The following CRTAC1 variants were observed in gnomAD, a reference collection of about 807,000 sequenced individuals.
CRTAC1 encodes acidic secreted protein in cartilage.
In CRTAC1, 37 loss-of-function variants were observed where a neutral mutation model predicts 67.8. That is an observed-to-expected ratio of 0.55 (90% CI 0.42 to 0.72). CRTAC1 has a LOEUF of 0.72. CRTAC1 is among the 30% of genes least tolerant of loss of function. The probability of loss-of-function intolerance (pLI) is 0.00; values close to 1 mark genes in which losing one functional copy is unlikely to be tolerated. For missense variants in CRTAC1, 780 were observed against 931.6 expected, an observed-to-expected ratio of 0.84 and a Z score of 2.12; for synonymous variants, 348 against 371.0, an observed-to-expected ratio of 0.94 and a Z score of 0.71.
At chr10:97,865,869 T>G (rs946110662) in intron 14 of CRTAC1, 155 bp from the exon 15 acceptor site, 7 of 1,145,954 alleles carry the variant, frequency 6.1e-6, no homozygotes, top group African/African-American at 1.6e-5. Flanking sequence ...GCCATCAACC[T>G]ATGCCCCCTG....
intron 2 of CRTAC1, among the ~76,000 whole-genome samples, chr10:97,969,035 T>G (rs1362630719): frequency 1.3e-5 from 2 of 152,176 alleles, no homozygotes; most frequent in Admixed American, 1.3e-4. Context: ...CAGTCTCAGT[T>G]GGTTTGCTTT....
chr10:98,019,786 C>T (rs887090912), intron 1 of CRTAC1, among the ~76,000 whole-genome samples: 1 of 152,192 alleles, frequency 6.6e-6, no homozygotes, highest in East Asian at 1.9e-4. Context: ...TGTCAGCAAG[C>T]CCCACGGGAG....
intron 14 of CRTAC1, chr10:97,878,829 A>C (rs180952903): frequency 3.5e-4 from 227 of 655,598 alleles, no homozygotes; most frequent in Admixed American, 9.4e-4. Context: ...CACAGCATGG[A>C]GAAGTGACTT....
intron 2 of CRTAC1, among the ~76,000 whole-genome samples, chr10:97,963,727 T>C (rs2051564669): frequency 6.6e-6 from 1 of 152,264 alleles, no homozygotes; most frequent in Admixed American, 6.5e-5. Context: ...TTTGTAGCCA[T>C]CATTTTATTA....
chr10:98,016,470 T>G (rs886532843), intron 1 of CRTAC1, among the ~76,000 whole-genome samples: 1 of 152,182 alleles, frequency 6.6e-6, no homozygotes, highest in African/African-American at 2.4e-5. Flanking sequence ...CTGAGGGTCA[T>G]GTTGAAAATA....
At chr10:97,937,598 T>TTGAA (rs1277896502) in intron 2 of CRTAC1, among the ~76,000 whole-genome samples, 1 of 152,208 alleles carries the variant, frequency 6.6e-6, no homozygotes, top group Non-Finnish European at 1.5e-5. Context: ...TGCTAGCTGA[T>TTGAA]TGAATGAATG....
chr10:97,963,236 T>C (rs934191840), intron 2 of CRTAC1, among the ~76,000 whole-genome samples: 1 of 152,132 alleles, frequency 6.6e-6, no homozygotes, highest in African/African-American at 2.4e-5. Flanking sequence ...TGTGTCATCT[T>C]TGTTTTGATG....
chr10:98,021,037 A>G (rs1451350099), intron 1 of CRTAC1, among the ~76,000 whole-genome samples: 1 of 150,604 alleles, frequency 6.6e-6, no homozygotes, highest in Non-Finnish European at 1.5e-5. Flanking sequence ...TCATTCATTC[A>G]TTCAGTATTT....
At chr10:98,003,155 G>A (rs774936133) in intron 2 of CRTAC1, among the ~76,000 whole-genome samples, 2 of 152,050 alleles carry the variant, frequency 1.3e-5, no homozygotes, top group Admixed American at 1.3e-4. Flanking sequence ...AGCATATTTC[G>A]TTTATTGTTG....
At chr10:98,024,447 G>A (rs888388295) in intron 1 of CRTAC1, among the ~76,000 whole-genome samples, 12 of 152,286 alleles carry the variant, frequency 7.9e-5, no homozygotes, top group African/African-American at 2.6e-4. Flanking sequence ...GGGCCAGGAG[G>A]GTTGAGCAGG....
At chr10:97,935,130 T>C (rs1436520659) in intron 3 of CRTAC1, among the ~76,000 whole-genome samples, 1 of 152,160 alleles carries the variant, frequency 6.6e-6, no homozygotes, top group East Asian at 1.9e-4. Context: ...ATTAAGAGGA[T>C]GGATCTGGAG....
chr10:97,919,899 C>T (rs1212364788), intron 4 of CRTAC1, among the ~76,000 whole-genome samples: 19 of 149,472 alleles, frequency 1.3e-4, no homozygotes, highest in Admixed American at 1.2e-3. Context: ...CCCACCACAC[C>T]CAGCTAATTT....
chr10:97,981,670 G>A (rs989569720), intron 2 of CRTAC1, among the ~76,000 whole-genome samples: 3 of 152,206 alleles, frequency 2.0e-5, no homozygotes, highest in East Asian at 1.9e-4. Context: ...GAATTACAGA[G>A]TCAAAAGGGC....
In CRTAC1 at chr10:97,865,488, C is replaced by T. The variant is rs111467483; in HGVS notation, c.*60G>A. On this transcript the variant is annotated 3_prime_UTR_variant, in exon 15 of 15. Transcript: ENST00000370597. ...CATCCCTACTGTCTAGGCAGCAGCA[C>T]AAGCCCACTTTCCCACTCCCCTGCT... 1.1e-4 allele frequency: 164 copies of T among 1,553,960 alleles called. 1 individual carries two copies. The African/African-American group carries it at 1.8e-3, about 17-fold the overall frequency.
intron 8 of CRTAC1, among the ~76,000 whole-genome samples, chr10:97,900,498 TGATTGGAG>T (rs2050519182): frequency 6.9e-6 from 1 of 145,592 alleles, no homozygotes; most frequent in African/African-American, 2.6e-5. Flanking sequence ...TTCCTGGTAG[TGATTGGAG>T]CCCGTAGCCC....
chr10:97,903,044 GTATGTTAAGCT>G, intron 7 of CRTAC1, among the ~76,000 whole-genome samples: 1 of 151,942 alleles, frequency 6.6e-6, no homozygotes, highest in Middle Eastern at 3.4e-3. Flanking sequence ...CCGAGATAAT[GTATGTTAAGCT>G]TAGCACAGTT....
chr10:97,936,178 G>A lies in CRTAC1; in HGVS notation c.413C>T (p.Ala138Val). 1 of 1,607,148 alleles carries A rather than the reference G, an allele frequency of 6.2e-7. No individual in the cohort carries two copies. Among genetic ancestry groups the A allele is most frequent in the Non-Finnish European group, 8.5e-7 (1 of 1,174,970 alleles). Residue 138 changes from alanine to valine, a missense_variant, in exon 3 of 15, where the codon GCC (alanine) becomes GTC (valine). By Grantham distance (64) the Ala-to-Val change is moderately conservative. Transcript: ENST00000370597. ...TGAGCCCCAGCCCTTACCCGAGAAG[G>A]CATTATTGGTGTTGAGGAAGTAGAT... Reference protein sequence around the residue: ...EEIYFLNTNNAFSGVATYTDK... With the variant: ...EEIYFLNTNNVFSGVATYTDK...
intron 14 of CRTAC1, among the ~76,000 whole-genome samples, chr10:97,874,041 A>T (rs1188346526): frequency 2.6e-5 from 4 of 152,156 alleles, no homozygotes; most frequent in Non-Finnish European, 5.9e-5. Flanking sequence ...TTGTTCATAC[A>T]CTTGGGCTTC....
intron 2 of CRTAC1, among the ~76,000 whole-genome samples, chr10:98,003,194 T>C (rs1251860096): frequency 6.6e-6 from 1 of 152,222 alleles, no homozygotes; most frequent in Admixed American, 6.5e-5. Context: ...CAGTTAAAAT[T>C]CTCTGAAGTA....
Sources: gnomAD v4.1 joint callset for allele counts (sites outside exome capture counted in the v4.1 genomes callset) on GRCh38, gnomAD v4.1.1 for gene constraint, MANE v1.5 for transcripts, NCBI Gene and HGNC (gene_info 2026-07-23, HGNC 2026-07-21) for gene names.